AXDND1: variants seen among roughly 807,000 people sequenced by gnomAD.
AXDND1 encodes the protein axonemal dynein light chain domain-containing protein 1.
A neutral mutation model predicts 137.5 loss-of-function variants in AXDND1; 110 were observed. The ratio of observed to expected loss-of-function variants is 0.80; its 90% CI spans 0.69 to 0.94. The LOEUF is 0.94. Among genes scored for constraint, AXDND1 ranks in the 40% least tolerant of loss-of-function variants. AXDND1 has a pLI of 0.00. For missense variants in AXDND1, 1,191 were observed against 1,169.8 expected, an observed-to-expected ratio of 1.02 and a Z score of -0.26; for synonymous variants, 414 against 399.7, an observed-to-expected ratio of 1.04 and a Z score of -0.43.
chr1:179,495,896 CT>C (rs34788199), intron 20 of AXDND1, among the ~76,000 whole-genome samples: 1,381 of 116,414 alleles, frequency 0.012, 18 homozygotes, highest in African/African-American at 0.038. Flanking sequence ...GCTGAAAATT[CT>C]TTTTTTTTTT....
chr1:179,501,102 G>C (rs898373162), intron 20 of AXDND1, among the ~76,000 whole-genome samples: 1 of 152,062 alleles, frequency 6.6e-6, no homozygotes, highest in African/African-American at 2.4e-5. Context: ...ATTATGGAAA[G>C]TTCTATTAAA....
chr1:179,431,749 T>C (rs1342585052), intron 14 of AXDND1, among the ~76,000 whole-genome samples: 1 of 152,138 alleles, frequency 6.6e-6, no homozygotes, highest in Admixed American at 6.5e-5. Context: ...ATTTCTATTG[T>C]TTGTTGATTC....
intron 24 of AXDND1, 158 bp from the exon 25 acceptor site, chr1:179,534,572 C>CA: frequency 1.2e-6 from 1 of 843,896 alleles, no homozygotes. Flanking sequence ...CGCTCCTGGG[C>CA]CCCCAGTTCT....
intron 25 of AXDND1, among the ~76,000 whole-genome samples, chr1:179,548,529 T>A (rs1204380118): frequency 1.3e-5 from 2 of 152,170 alleles, no homozygotes; most frequent in African/African-American, 2.4e-5. Context: ...TGACCTCTCT[T>A]TTAAAGGATT....
chr1:179,400,241 C>G (rs528562919), intron 11 of AXDND1, among the ~76,000 whole-genome samples: 6 of 152,220 alleles, frequency 3.9e-5, no homozygotes, highest in African/African-American at 1.4e-4. Context: ...GAATACCACT[C>G]AGCCATAAAA....
Position 179,465,547 on chromosome 1 carries a change from C to T in AXDND1, c.1799-2896C>T, listed in dbSNP as rs185731096. Among the ~76,000 whole-genome samples the T allele has an allele frequency of 1.7e-3, 265 of 152,328 alleles. 2 individuals are homozygous for T. The highest frequency in any genetic ancestry group is 6.3e-3 in the African/African-American group (262 of 41,590). ...GTTGGCCCCTACTGGGAGGTGTCTCCCAGTTAGGCTACTCGGGGGTCATGG... is the reference window on the plus strand; with the variant it reads ...GTTGGCCCCTACTGGGAGGTGTCTCTCAGTTAGGCTACTCGGGGGTCATGG... On this transcript the variant is annotated intron_variant, in intron 16 of 25. Coordinates refer to ENST00000367618, the MANE Select transcript of AXDND1 (RefSeq NM_144696.6).
intron 4 of AXDND1, among the ~76,000 whole-genome samples, chr1:179,371,430 A>G (rs991261273): frequency 2.0e-5 from 3 of 152,114 alleles, no homozygotes; most frequent in African/African-American, 7.2e-5. Context: ...TCCCTCTCAA[A>G]ACAAAACAAA....
intron 21 of AXDND1, among the ~76,000 whole-genome samples, chr1:179,511,422 GTA>G (rs1491189872): frequency 0.047 from 6,952 of 149,416 alleles, 202 homozygotes; most frequent in Admixed American, 0.06. Context: ...GTGTGTGTGT[GTA>G]TATGTATATA....
In AXDND1 at chr1:179,393,974, A is replaced by G; in HGVS notation, c.935A>G (p.Gln312Arg). ...GATTTCTACAAAGACTTGGTAACTC[A>G]GCGAGTGATGGACCAGCGCATTTTA... ...MIDFYKDLVT[Q>R]RVMDQRILEE... Residue 312 changes from glutamine (Q) to arginine (R), a missense_variant, in exon 10 of 26, where the codon CAG becomes CGG. By Grantham distance (43) the Gln-to-Arg change is conservative. Transcript: ENST00000367618. The G allele has an allele frequency of 6.2e-7, 1 of 1,612,032 alleles. No homozygotes were observed. Among genetic ancestry groups the G allele is most frequent in the Non-Finnish European group, 8.5e-7 (1 of 1,179,262 alleles).
intron 16 of AXDND1, among the ~76,000 whole-genome samples, chr1:179,461,495 G>A (rs1662316993): frequency 6.6e-6 from 1 of 152,084 alleles, no homozygotes; most frequent in African/African-American, 2.4e-5. Context: ...GATGCCTCCA[G>A]CTTTGTTCAT....
At chr1:179,382,780 G>A (rs925515501) in intron 7 of AXDND1, 24 bp downstream of exon 7, 8 of 1,552,498 alleles carry the variant, frequency 5.2e-6, no homozygotes, top group East Asian at 2.3e-5. Context: ...ATTTTCTAAA[G>A]TCTTTCTCAG....
chr1:179,394,820 G>C (rs148919454), intron 10 of AXDND1, among the ~76,000 whole-genome samples: 2 of 152,114 alleles, frequency 1.3e-5, no homozygotes, highest in Non-Finnish European at 1.5e-5. Context: ...CCAGCATGGC[G>C]GCCTTGCATG....
Position 179,459,778 on chromosome 1 carries a change from C to G in AXDND1, c.1799-8665C>G, listed in dbSNP as rs1006092946. ...TTCTTTTCTTTTCTCTTTTCTTTTT[C>G]TTTATTTTCTTTCTCTCTCTCTTTC... On this transcript the variant is annotated intron_variant, in intron 16 of 25. Coordinates refer to ENST00000367618, the MANE Select transcript of AXDND1 (RefSeq NM_144696.6). 5.1e-5 allele frequency among the ~76,000 whole-genome samples: 5 copies of G among 98,996 alleles called. No individual in the cohort carries two copies. The Admixed American group carries it at 5.5e-4, about 11-fold the overall frequency. The allele number at this position is 98,996 out of a possible 152,430, so 64.9% of individuals were successfully genotyped here. A position where few individuals can be genotyped will look rare whatever the true frequency, so the allele number is the denominator to read the frequency against.
intron 16 of AXDND1, among the ~76,000 whole-genome samples, chr1:179,458,216 C>G (rs190321272): frequency 1.3e-5 from 2 of 152,184 alleles, no homozygotes; most frequent in African/African-American, 2.4e-5. Context: ...CTCTTGGGCT[C>G]AAGTCATTCA....
At chr1:179,456,296 G>C (rs113396192) in intron 16 of AXDND1, 1 of 743,596 alleles carries the variant, frequency 1.3e-6, no homozygotes, top group Admixed American at 1.7e-5. Flanking sequence ...GTGGTTTGAC[G>C]AAGTATTGGC....
chr1:179,417,590 T>C (rs1654894563), intron 12 of AXDND1, among the ~76,000 whole-genome samples: 1 of 152,180 alleles, frequency 6.6e-6, no homozygotes, highest in African/African-American at 2.4e-5. Flanking sequence ...TTTTATGCCA[T>C]TACCATGCCG....
intron 12 of AXDND1, among the ~76,000 whole-genome samples, chr1:179,421,367 CTTTTTTT>C (rs199703017): frequency 7.2e-4 from 77 of 107,210 alleles, no homozygotes; most frequent in African/African-American, 2.8e-3. Flanking sequence ...TTTTCTTTTC[CTTTTTTT>C]TTTTTTTTTT....
rs1292541006 is a variant in AXDND1 at position 179,551,356 on chromosome 1, G to T, written c.3032-3156G>T. On this transcript the variant is annotated intron_variant, in intron 25 of 25. Coordinates refer to ENST00000367618, the MANE Select transcript of AXDND1 (RefSeq NM_144696.6). Reference sequence around the variant, plus strand: ...TGGACAGAGACTGAAGGGTGTGGAGGTATCGAAGCTGAACGGCAGCAGGGG... The same window carrying T: ...TGGACAGAGACTGAAGGGTGTGGAGTTATCGAAGCTGAACGGCAGCAGGGG... 2.5e-6 allele frequency: 4 copies of T among 1,614,026 alleles called. No homozygotes were observed. The highest frequency in any genetic ancestry group is 1.1e-5 in the South Asian group (1 of 91,086).
chr1:179,468,977 T>A (rs1164705816), intron 17 of AXDND1, among the ~76,000 whole-genome samples: 2 of 152,032 alleles, frequency 1.3e-5, no homozygotes, highest in Non-Finnish European at 2.9e-5. Flanking sequence ...TTTCCCAGGC[T>A]GGAGTGCAAT....
Sources: gnomAD v4.1 joint callset for allele counts (sites outside exome capture counted in the v4.1 genomes callset) on GRCh38, gnomAD v4.1.1 for gene constraint, MANE v1.5 for transcripts, NCBI Gene and HGNC (gene_info 2026-07-23, HGNC 2026-07-21) for gene names.